Variants in TBC1D19 observed in about 807,000 individuals in gnomAD.
The protein encoded by TBC1D19 is TBC1 domain family, member 19.
Under a neutral mutation model 89.0 loss-of-function variants are expected in TBC1D19, and 60 were observed. The observed-to-expected ratio is 0.67, with a 90% CI of 0.55 to 0.84. TBC1D19 has a LOEUF of 0.84. Among genes scored for constraint, TBC1D19 ranks in the 40% least tolerant of loss-of-function variants. The pLI is 0.00. For missense variants in TBC1D19, 500 were observed against 610.8 expected, an observed-to-expected ratio of 0.82 and a Z score of 1.91; for synonymous variants, 189 against 199.7, an observed-to-expected ratio of 0.95 and a Z score of 0.45.
the TBC1D19 span, among the ~76,000 whole-genome samples, chr4:26,804,204 G>A: frequency 6.6e-6 from 1 of 151,868 alleles, no homozygotes; most frequent in African/African-American, 2.4e-5. Flanking sequence ...GGAGTGCAAC[G>A]GTGGGATCTT....
chr4:26,637,626 C>T (rs1313480301), intron 5 of TBC1D19, among the ~76,000 whole-genome samples: 1 of 152,116 alleles, frequency 6.6e-6, no homozygotes, highest in East Asian at 1.9e-4. Flanking sequence ...CCCACCTTGG[C>T]CTCCCAAAGT....
At chr4:26,673,752 G>A in intron 10 of TBC1D19, 24 bp from the exon 11 acceptor site, 4 of 1,478,832 alleles carry the variant, frequency 2.7e-6, no homozygotes, top group African/African-American at 2.8e-5. Context: ...GTTTTCAAAG[G>A]AGATTTTCAT....
chr4:26,584,402 T>C (rs1269595750), intron 1 of TBC1D19, 110 bp downstream of exon 1: 2 of 967,926 alleles, frequency 2.1e-6, no homozygotes, highest in South Asian at 1.6e-5. Flanking sequence ...CCAGCTCCGC[T>C]CTGGTGCTCA....
At chr4:26,839,572 AC>A in the TBC1D19 span, among the ~76,000 whole-genome samples, 77 of 149,196 alleles carry the variant, frequency 5.2e-4, no homozygotes, top group Non-Finnish European at 1.0e-4. Context: ...CTTTTCCATC[AC>A]CCCCCCGCCC....
At chr4:26,753,569 T>C (rs566325621) in intron 19 of TBC1D19, among the ~76,000 whole-genome samples, 1 of 152,388 alleles carries the variant, frequency 6.6e-6, no homozygotes, top group South Asian at 2.1e-4. Context: ...AAATGGCTTT[T>C]TTTTAAGAAC....
At chr4:26,656,208 A>T (rs1339403409) in intron 7 of TBC1D19, among the ~76,000 whole-genome samples, 1 of 152,122 alleles carries the variant, frequency 6.6e-6, no homozygotes, top group African/African-American at 2.4e-5. Flanking sequence ...TTCTTACTAT[A>T]TGTGAGAATA....
chr4:26,754,148 G>C (rs532326936), intron 20 of TBC1D19: 1 of 370,634 alleles, frequency 2.7e-6, no homozygotes, highest in Non-Finnish European at 5.0e-6. Flanking sequence ...CCAGATACCT[G>C]GTAATTTTAA....
At chr4:26,704,485 A>G (rs1253231588) in intron 13 of TBC1D19, among the ~76,000 whole-genome samples, 1 of 152,200 alleles carries the variant, frequency 6.6e-6, no homozygotes, top group Non-Finnish European at 1.5e-5. Flanking sequence ...GAAGTGTGAC[A>G]TAGTTATAGA....
intron 5 of TBC1D19, among the ~76,000 whole-genome samples, chr4:26,638,266 T>C (rs1165278232): frequency 1.3e-5 from 2 of 151,724 alleles, no homozygotes; most frequent in Non-Finnish European, 2.9e-5. Flanking sequence ...ATACTTTGGA[T>C]AATATCCAAG....
At chr4:26,841,231 A>G in the TBC1D19 span, among the ~76,000 whole-genome samples, 2 of 152,264 alleles carry the variant, frequency 1.3e-5, no homozygotes, top group African/African-American at 2.4e-5. Flanking sequence ...TACCAAAAAT[A>G]CAAAAATTAG....
chr4:26,606,714 A>G (rs917307617), intron 1 of TBC1D19, among the ~76,000 whole-genome samples: 1 of 152,190 alleles, frequency 6.6e-6, no homozygotes, highest in African/African-American at 2.4e-5. Flanking sequence ...TTCTGTAATC[A>G]CTTCTAACCC....
chr4:26,684,093 A>T (rs944849115), intron 12 of TBC1D19, among the ~76,000 whole-genome samples: 40 of 152,236 alleles, frequency 2.6e-4, no homozygotes, highest in African/African-American at 9.6e-4. Flanking sequence ...TTATCTTATG[A>T]TTCTTTAGGG....
the TBC1D19 span, among the ~76,000 whole-genome samples, chr4:26,811,000 A>G: frequency 3.3e-5 from 5 of 152,238 alleles, no homozygotes; most frequent in African/African-American, 1.2e-4. Flanking sequence ...CAATCCCATT[A>G]CTGGGTATAT....
chr4:26,808,294 A>G, the TBC1D19 span, among the ~76,000 whole-genome samples: 1 of 152,190 alleles, frequency 6.6e-6, no homozygotes, highest in African/African-American at 2.4e-5. Flanking sequence ...CCTGGCACGT[A>G]GTAGGCATCT....
chr4:26,805,675 C>G, the TBC1D19 span, among the ~76,000 whole-genome samples: 1 of 152,128 alleles, frequency 6.6e-6, no homozygotes, highest in African/African-American at 2.4e-5. Flanking sequence ...TGTCCATTCT[C>G]CATTCCCAGC....
chr4:26,672,198 A>T lies in TBC1D19; in HGVS notation c.703+11A>T. On this transcript the variant is annotated intron_variant, in intron 10 of 20. Transcript: ENST00000264866. ...GTATTGGGCAAAAAGGTAAGCTTTT[A>T]ATTATAAATGTTATTATTTCTGAAA... 1 of 1,323,940 alleles carries T rather than the reference A, an allele frequency of 7.6e-7. No homozygotes were observed. Among genetic ancestry groups the T allele is most frequent in the East Asian group, 4.9e-5 (1 of 20,410 alleles). 82.0% of individuals were successfully genotyped at this position (1,323,940 alleles called of 1,614,324 possible). A position where few individuals can be genotyped will look rare whatever the true frequency, so the allele number is the denominator to read the frequency against.
At chr4:26,655,291 T>C (rs1744712878) in intron 7 of TBC1D19, among the ~76,000 whole-genome samples, 1 of 152,202 alleles carries the variant, frequency 6.6e-6, no homozygotes, top group African/African-American at 2.4e-5. Flanking sequence ...TACTGGGGCG[T>C]GCCTCCCAGT....
chr4:26,730,325 T>A (rs1191045112), intron 15 of TBC1D19, among the ~76,000 whole-genome samples: 2 of 152,078 alleles, frequency 1.3e-5, no homozygotes, highest in Non-Finnish European at 2.9e-5. Flanking sequence ...AAATAAAAAA[T>A]TATTAAAAGA....
At chr4:26,847,092 G>C in the TBC1D19 span, among the ~76,000 whole-genome samples, 1 of 152,108 alleles carries the variant, frequency 6.6e-6, no homozygotes, top group Non-Finnish European at 1.5e-5. Context: ...CTTGGGTTTT[G>C]AATCTATGTG....
Sources: allele counts gnomAD v4.1 joint callset (sites outside exome capture counted in the v4.1 genomes callset), GRCh38; gene constraint gnomAD v4.1.1; transcripts MANE v1.5; gene names NCBI Gene and HGNC (gene_info 2026-07-23, HGNC 2026-07-21).